Variants in BMP2K observed in about 807,000 individuals in gnomAD.
The protein encoded by BMP2K is BMP2 inducible kinase, also known as BMP-2-inducible protein kinase.
Under a neutral mutation model 116.0 loss-of-function variants are expected in BMP2K, and 74 were observed. That is an observed-to-expected ratio of 0.64 (90% CI 0.53 to 0.77). The LOEUF (loss-of-function observed/expected upper bound fraction) is 0.77, where lower values mean the gene tolerates loss of function less well. Among genes scored for constraint, BMP2K ranks in the 30% least tolerant of loss-of-function variants. The probability of loss-of-function intolerance (pLI) is 0.00; values close to 1 mark genes in which losing one functional copy is unlikely to be tolerated. For missense variants in BMP2K, 1,365 were observed against 1,403.6 expected (o/e 0.97, Z 0.44); for synonymous variants, 486 against 502.5 (o/e 0.97, Z 0.44).
intron 1 of BMP2K, among the ~76,000 whole-genome samples, chr4:78,786,409 G>A (rs1376492109): frequency 2.4e-5 from 2 of 83,174 alleles, no homozygotes; most frequent in East Asian, 5.3e-4. Context: ...CACCCAATGT[G>A]TGTGTGTGTG....
At chr4:78,798,523 C>G (rs1445257682) in intron 1 of BMP2K, among the ~76,000 whole-genome samples, 1 of 152,154 alleles carries the variant, frequency 6.6e-6, no homozygotes, top group Admixed American at 6.5e-5. Flanking sequence ...CTTAGAAAAA[C>G]TATGATCATG....
Position 78,870,970 on chromosome 4 carries a change from G to GCAGCAA in BMP2K, c.1431_1436dup (p.Gln485_Gln486dup), listed in dbSNP as rs748754486. ...AGCAGCAGCAACAGCAACAGCAGCA[G>GCAGCAA]CAGCAACAGCAACAGCAGCAGCAGC... On this transcript the variant is annotated inframe_insertion, in exon 11 of 16. Coordinates refer to ENST00000502613, the MANE Select transcript of BMP2K (RefSeq NM_198892.2). 17 of 1,610,456 alleles carry GCAGCAA rather than the reference G, an allele frequency of 1.1e-5. No homozygotes were observed. Among genetic ancestry groups the GCAGCAA allele is most frequent in the African/African-American group, 8.1e-5 (6 of 74,482 alleles).
intron 13 of BMP2K, 53 bp downstream of exon 13, chr4:78,872,851 T>A: frequency 6.5e-7 from 1 of 1,539,980 alleles, no homozygotes; most frequent in Non-Finnish European, 8.9e-7. Flanking sequence ...GTGGAAGTCA[T>A]CGTTGAATGG....
chr4:78,876,565 T>A (rs1356944256), intron 13 of BMP2K, among the ~76,000 whole-genome samples: 1 of 152,212 alleles, frequency 6.6e-6, no homozygotes, highest in East Asian at 1.9e-4. Context: ...GACTTTTGCC[T>A]TTCTTTTCTC....
At chr4:78,807,574 T>C (rs1221780261) in intron 1 of BMP2K, among the ~76,000 whole-genome samples, 1 of 152,036 alleles carries the variant, frequency 6.6e-6, no homozygotes, top group African/African-American at 2.4e-5. Context: ...TTTTTTCTTT[T>C]TTTTTATTAC....
intron 6 of BMP2K, among the ~76,000 whole-genome samples, chr4:78,850,292 A>G (rs1210399013): frequency 6.6e-6 from 1 of 151,878 alleles, no homozygotes; most frequent in Non-Finnish European, 1.5e-5. Flanking sequence ...TGTGATGGTT[A>G]TGAAGCCATG....
chr4:78,779,797 A>G lies in BMP2K; in HGVS notation c.178+3076A>G, dbSNP rs563204149. ...TAAAGTTTTCTCTCTGAAACATTAT[A>G]TACTTTGTATCATAATGTCTTTGTA... On this transcript the variant is annotated intron_variant, in intron 1 of 15. Coordinates refer to ENST00000502613, the MANE Select transcript of BMP2K (RefSeq NM_198892.2). 4.6e-5 allele frequency among the ~76,000 whole-genome samples: 7 copies of G among 152,320 alleles called. No homozygotes were observed. In the South Asian group the frequency reaches 1.5e-3, roughly 32 times the overall value.
At chr4:78,826,360 C>T (rs574004510) in intron 2 of BMP2K, among the ~76,000 whole-genome samples, 3 of 152,168 alleles carry the variant, frequency 2.0e-5, no homozygotes, top group Admixed American at 2.0e-4. Flanking sequence ...CATCACCATA[C>T]CTGGCTAATT....
At chr4:78,817,137 T>C (rs1364198028) in intron 1 of BMP2K, among the ~76,000 whole-genome samples, 1 of 152,226 alleles carries the variant, frequency 6.6e-6, no homozygotes, top group Non-Finnish European at 1.5e-5. Context: ...CTCATCTTCC[T>C]AAGCAGAAGA....
chr4:78,844,991 A>G lies in BMP2K; in HGVS notation c.610A>G (p.Asn204Asp), dbSNP rs1033520583. Residue 204 changes from asparagine (N) to aspartate (D), a missense_variant, in exon 5 of 16, where the codon AAT becomes GAT. Around this residue, in one of 3 missense-constraint regions of BMP2K, gnomAD observed 762 missense variants for 756.7 expected, o/e 1.01. Coordinates refer to ENST00000502613, the MANE Select transcript of BMP2K (RefSeq NM_198892.2). ...YVLCDFGSATNKFLNPQKDGV... is the reference protein window; with the variant it reads ...YVLCDFGSATDKFLNPQKDGV... Reference sequence around the variant, plus strand: ...ACTTTGTGACTTTGGCAGTGCCACTAATAAATTTCTTAATCCTCAAAAAGA... The same window carrying G: ...ACTTTGTGACTTTGGCAGTGCCACTGATAAATTTCTTAATCCTCAAAAAGA... The G allele has an allele frequency of 1.2e-5, 19 of 1,595,118 alleles. No homozygotes were observed. The highest frequency in any genetic ancestry group is 4.0e-5 in the African/African-American group (3 of 74,344).
intron 11 of BMP2K, 79 bp from the exon 12 acceptor site, chr4:78,871,771 A>C: frequency 1.2e-6 from 1 of 845,246 alleles, no homozygotes; most frequent in Non-Finnish European, 1.9e-6. Flanking sequence ...TCAAATCATT[A>C]TGGTAAGATC....
chr4:78,817,199 C>T (rs1729392112), intron 1 of BMP2K, among the ~76,000 whole-genome samples: 3 of 152,158 alleles, frequency 2.0e-5, no homozygotes, highest in African/African-American at 7.2e-5. Flanking sequence ...GTTCCAAAAA[C>T]AATTCTCTGA....
At chr4:78,817,476 C>T (rs1008003313) in intron 1 of BMP2K, among the ~76,000 whole-genome samples, 4 of 152,156 alleles carry the variant, frequency 2.6e-5, no homozygotes, top group Admixed American at 6.5e-5. Flanking sequence ...AGAAGGGACA[C>T]GAATGAACAA....
chr4:78,826,815 C>A (rs953481013), intron 2 of BMP2K, among the ~76,000 whole-genome samples: 6 of 151,252 alleles, frequency 4.0e-5, no homozygotes, highest in Admixed American at 2.0e-4. Flanking sequence ...GGAGTATTTT[C>A]AGGATAGAAA....
At chr4:78,847,986 G>T (rs114566376) in intron 6 of BMP2K, among the ~76,000 whole-genome samples, 2 of 151,686 alleles carry the variant, frequency 1.3e-5, no homozygotes, top group Non-Finnish European at 3.0e-5. Flanking sequence ...TAGTTCTAGG[G>T]TTTGTAGAAA....
intron 1 of BMP2K, among the ~76,000 whole-genome samples, chr4:78,796,184 A>G (rs1728259435): frequency 6.6e-6 from 1 of 152,178 alleles, no homozygotes; most frequent in South Asian, 2.1e-4. Context: ...AATGTGGCAC[A>G]TATACACCAT....
At chr4:78,886,747 T>C (rs1733112872) in intron 14 of BMP2K, among the ~76,000 whole-genome samples, 1 of 152,182 alleles carries the variant, frequency 6.6e-6, no homozygotes, top group Admixed American at 6.5e-5. Context: ...GAATTACTTT[T>C]TATTACTATT....
chr4:78,835,070 A>G (rs1006508473), intron 3 of BMP2K, among the ~76,000 whole-genome samples: 3 of 152,172 alleles, frequency 2.0e-5, no homozygotes, highest in African/African-American at 7.2e-5. Flanking sequence ...TTTAAAAGAT[A>G]CTTGAATCAA....
intron 2 of BMP2K, among the ~76,000 whole-genome samples, 177 bp downstream of exon 2, chr4:78,826,332 G>A (rs1176212095): frequency 6.6e-6 from 1 of 152,150 alleles, no homozygotes; most frequent in Non-Finnish European, 1.5e-5. Flanking sequence ...CTCCCAAGTA[G>A]CCAGGATTAC....
Sources: gnomAD v4.1 joint callset for allele counts (sites outside exome capture counted in the v4.1 genomes callset) on GRCh38, gnomAD v4.1.1 for gene constraint, gnomAD v4.1.1 regional missense constraint, MANE v1.5 for transcripts, NCBI Gene and HGNC (gene_info 2026-07-23, HGNC 2026-07-21) for gene names.